DUSP8: variants seen among roughly 807,000 people sequenced by gnomAD.
DUSP8 encodes the protein dual specificity protein phosphatase 8.
Under a neutral mutation model 38.7 loss-of-function variants are expected in DUSP8, and 15 were observed. That is an observed-to-expected ratio of 0.39 (90% CI 0.26 to 0.60). DUSP8 has a LOEUF of 0.60. Ranked by LOEUF, DUSP8 falls within the 20% of genes least tolerant of loss-of-function variation. The probability of loss-of-function intolerance (pLI) is 0.56; values close to 1 mark genes in which losing one functional copy is unlikely to be tolerated. For missense variants in DUSP8, 768 were observed against 915.0 expected (o/e 0.84, Z 2.07); for synonymous variants, 458 against 433.9 (o/e 1.06, Z -0.69).
chr11:1,560,719 T>C (rs1848705667), intron 3 of DUSP8, among the ~76,000 whole-genome samples: 1 of 152,206 alleles, frequency 6.6e-6, no homozygotes, highest in Non-Finnish European at 1.5e-5. Flanking sequence ...GGGGTAGCCC[T>C]GGATGTTCCC....
At chr11:1,571,185 C>G (rs1848885805) in intron 1 of DUSP8, among the ~76,000 whole-genome samples, 1 of 152,196 alleles carries the variant, frequency 6.6e-6, no homozygotes, top group South Asian at 2.1e-4. Flanking sequence ...GGTATCCCCA[C>G]CTGGTCTGCT....
rs1337364239 is a variant in DUSP8, at chr11:1,558,600, C to T, written c.537+289G>A. ...GTCACCATTTTTAAAACATGGGATT[C>T]TTTCAGAGCTGGCCAGAGGCCCAGT... On this transcript the variant is annotated intron_variant, in intron 4 of 6. Coordinates refer to ENST00000397374, the MANE Select transcript of DUSP8 (RefSeq NM_004420.3). This position sits in a 1 kb window ranked among gnomAD's most constrained non-coding sequence, Gnocchi z 6.3. 1.3e-5 allele frequency among the ~76,000 whole-genome samples: 2 copies of T among 152,152 alleles called. No homozygotes were observed. Among genetic ancestry groups the T allele is most frequent in the African/African-American group, 2.4e-5 (1 of 41,450 alleles).
In DUSP8 at chr11:1,564,001, G is replaced by A. The variant is rs1329554746; in HGVS notation, c.232-12C>T. On this transcript the variant is annotated splice_polypyrimidine_tract_variant and intron_variant, in intron 2 of 6. Coordinates refer to ENST00000397374, the MANE Select transcript of DUSP8 (RefSeq NM_004420.3). ...TCCGTAGCCTCCACCTGGGGGCCAT[G>A]GGGCAGAGATCAGCATGCCGCCTCC... 4 of 1,448,792 alleles carry A rather than the reference G, an allele frequency of 2.8e-6. No homozygotes were observed. The African/African-American group carries it at 5.7e-5, about 21-fold the overall frequency. 89.7% of individuals were successfully genotyped at this position (1,448,792 alleles called of 1,614,324 possible). A position where few individuals can be genotyped will look rare whatever the true frequency, so the allele number is the denominator to read the frequency against.
In DUSP8 at chr11:1,565,655, G is replaced by A. The variant is rs776436007; in HGVS notation, c.172C>T (p.Arg58Trp). 11 of 1,611,164 alleles carry A rather than the reference G, an allele frequency of 6.8e-6. No individual in the cohort carries two copies. Among genetic ancestry groups the A allele is most frequent in the Middle Eastern group, 1.7e-4 (1 of 5,874 alleles). The change falls in exon 2 of 7, where the codon CGG (arginine) becomes TGG (tryptophan). Residue 58 changes from arginine (R) to tryptophan (W), a missense_variant. Coordinates refer to ENST00000397374, the MANE Select transcript of DUSP8 (RefSeq NM_004420.3). ...ATGGTCACCTTGCCCTGCTGCAGCC[G>A]CCGCTTCACCAGCTTGGAGCAGCAG... Reference protein sequence around the residue: ...NICCSKLVKRRLQQGKVTIAE... With the variant: ...NICCSKLVKRWLQQGKVTIAE...
chr11:1,556,416 A>G lies in DUSP8; in HGVS notation c.*102T>C, dbSNP rs1258735363. 1.6e-6 allele frequency: 2 copies of G among 1,221,512 alleles called. No homozygotes were observed. Among genetic ancestry groups the G allele is most frequent in the Non-Finnish European group, 2.0e-6 (2 of 979,320 alleles). 75.7% of individuals were successfully genotyped at this position (1,221,512 alleles called of 1,614,324 possible). A position where few individuals can be genotyped will look rare whatever the true frequency, so the allele number is the denominator to read the frequency against. On this transcript the variant is annotated 3_prime_UTR_variant, in exon 7 of 7. Coordinates refer to ENST00000397374, the MANE Select transcript of DUSP8 (RefSeq NM_004420.3). The surrounding 1 kb of genome is among the most constrained non-coding windows in gnomAD (Gnocchi z 5.2). Reference sequence around the variant, plus strand: ...AAAAAATCGAAATATTTACTTCTCGATAAAAATCCCAGTAAAACCATTTAC... The same window carrying G: ...AAAAAATCGAAATATTTACTTCTCGGTAAAAATCCCAGTAAAACCATTTAC...
At chr11:1,560,495 C>T (rs991310626) in intron 3 of DUSP8, among the ~76,000 whole-genome samples, 17 of 152,282 alleles carry the variant, frequency 1.1e-4, no homozygotes, top group African/African-American at 3.4e-4. Flanking sequence ...CTAAAAAGGG[C>T]GTGACGCTGG....
rs905084062 is a variant in DUSP8 at position 1,557,113 on chromosome 11, G to A, written c.1283C>T (p.Pro428Leu). Residue 428 changes from proline to leucine, a missense_variant, in exon 7 of 7, where the codon CCG (proline) becomes CTG (leucine). Coordinates refer to ENST00000397374, the MANE Select transcript of DUSP8 (RefSeq NM_004420.3). This position sits in a 1 kb window ranked among gnomAD's most constrained non-coding sequence, Gnocchi z 9.9. ...EAPKLCKLDS[P>L]SGAALGLSSP... ...GGACAGGCCCAGCGCGGCCCCCGAC[G>A]GGCTGTCCAGCTTGCAGAGCTTCGG... is the stretch of plus-strand genomic sequence containing the variant. 3.3e-5 allele frequency: 45 copies of A among 1,383,810 alleles called. No homozygotes were observed. Among genetic ancestry groups the A allele is most frequent in the Non-Finnish European group, 4.0e-5 (43 of 1,078,124 alleles). The allele number at this position is 1,383,810 out of a possible 1,614,324, so 85.7% of individuals were successfully genotyped here.
chr11:1,572,206 G>C lies in DUSP8; in HGVS notation c.-414C>G, dbSNP rs1207895261. 6.9e-6 allele frequency among the ~76,000 whole-genome samples: 1 copy of C among 145,332 alleles called. No individual in the cohort carries two copies. ...CGGGCTCGGGCTCGGGCTCGGGCTC[G>C]GGCGTCCGGCGTCCGGCGGGGCGTC... On this transcript the variant is annotated 5_prime_UTR_variant, in exon 1 of 7. Transcript: ENST00000397374. This position sits in a 1 kb window ranked among gnomAD's most constrained non-coding sequence, Gnocchi z 4.7.
rs1848643458 is a variant in DUSP8, at chr11:1,557,142, C to T, written c.1254G>A (p.Glu418=). 2 of 1,425,812 alleles carry T rather than the reference C, an allele frequency of 1.4e-6. No individual in the cohort carries two copies. The highest frequency in any genetic ancestry group is 3.0e-5 in the Admixed American group (1 of 32,930). The allele number at this position is 1,425,812 out of a possible 1,614,324, so 88.3% of individuals were successfully genotyped here. A position where few individuals can be genotyped will look rare whatever the true frequency, so the allele number is the denominator to read the frequency against. The change falls in exon 7 of 7, where the codon GAG becomes GAA. Residue 418 remains glutamate (E), a synonymous_variant. Coordinates refer to ENST00000397374, the MANE Select transcript of DUSP8 (RefSeq NM_004420.3). This position sits in a 1 kb window ranked among gnomAD's most constrained non-coding sequence, Gnocchi z 9.9. ...PDGPGPPDPG[E]APKLCKLDSP... ...TGTCCAGCTTGCAGAGCTTCGGGGC[C>T]TCGCCGGGGTCGGGGGGCCCGGGGC...
rs1848663284 is a variant in DUSP8, at chr11:1,558,080, A to G, written c.697+32T>C. The G allele has an allele frequency of 6.2e-7, 1 of 1,611,512 alleles. No individual in the cohort carries two copies. Among genetic ancestry groups the G allele is most frequent in the Admixed American group, 1.7e-5 (1 of 59,978 alleles). On this transcript the variant is annotated intron_variant, in intron 5 of 6. Coordinates refer to ENST00000397374, the MANE Select transcript of DUSP8 (RefSeq NM_004420.3). The surrounding 1 kb of genome is among the most constrained non-coding windows in gnomAD (Gnocchi z 6.3). ...ACACAGCTCTAGCCTTCCTCTAGCC[A>G]GGTCCCTGCCCTCCGCCCACCGCAG...
chr11:1,565,944 CA>C lies in DUSP8; in HGVS notation c.-108-11del. On this transcript the variant is annotated splice_polypyrimidine_tract_variant and intron_variant, in intron 1 of 6. Coordinates refer to ENST00000397374, the MANE Select transcript of DUSP8 (RefSeq NM_004420.3). Reference sequence around the variant, plus strand: ...GCACATGGTGCTGGACCTGCAGGGACAGGGGGATGGTCAGCAGTGCTGCGGG... The same window carrying C: ...GCACATGGTGCTGGACCTGCAGGGACGGGGGATGGTCAGCAGTGCTGCGGG... The C allele has an allele frequency of 7.0e-6, 6 of 859,804 alleles. No homozygotes were observed. The highest frequency in any genetic ancestry group is 2.6e-5 in the East Asian group (1 of 38,490). The allele number at this position is 859,804 out of a possible 1,614,324, so 53.3% of individuals were successfully genotyped here.
chr11:1,559,139 C>T, intron 3 of DUSP8, 84 bp from the exon 4 acceptor site: 1 of 1,359,956 alleles, frequency 7.4e-7, no homozygotes, highest in Non-Finnish European at 1.0e-6. Flanking sequence ...CCTAGGGCAC[C>T]CCATCTACTG....
Position 1,554,763 on chromosome 11 carries a change from G to A in DUSP8, c.*1755C>T, listed in dbSNP as rs1006690794. 4 of 495,576 alleles carry A rather than the reference G, an allele frequency of 8.1e-6. No individual in the cohort carries two copies. The highest frequency in any genetic ancestry group is 1.0e-5 in the Non-Finnish European group (4 of 381,406). 30.7% of individuals were successfully genotyped at this position (495,576 alleles called of 1,614,324 possible). On this transcript the variant is annotated 3_prime_UTR_variant, in exon 7 of 7. Transcript: ENST00000397374. ...CCCAGGGTCTCCTCAGAAACCCAAC[G>A]CAACAGACATATGGGAGGCAAATTT...
intron 1 of DUSP8, among the ~76,000 whole-genome samples, chr11:1,567,674 C>G (rs1298322526): frequency 1.3e-5 from 2 of 152,230 alleles, no homozygotes; most frequent in African/African-American, 4.8e-5. Flanking sequence ...GATGGGCAGC[C>G]TCAGCTGACC....
chr11:1,563,731 A>G, intron 3 of DUSP8, 120 bp downstream of exon 3: 1 of 1,093,556 alleles, frequency 9.1e-7, no homozygotes, highest in Non-Finnish European at 1.3e-6. Context: ...GGCCTCAAGA[A>G]CCACAGATGT....
In DUSP8 at chr11:1,564,457, C is replaced by T. The variant is rs1848770554; in HGVS notation, c.232-468G>A. Among the ~76,000 whole-genome samples, 3 of 152,160 alleles carry T rather than the reference C, an allele frequency of 2.0e-5. No homozygotes were observed. The South Asian group carries it at 6.2e-4, about 32-fold the overall frequency. On this transcript the variant is annotated intron_variant, in intron 2 of 6. Transcript: ENST00000397374. The stretch of plus-strand genomic sequence containing the variant: ...GTGTAGCCAGCAATTCTGCTCCCCA[C>T]CCTATCCCCTCCCCAACCCCCAGCG...
Position 1,556,937 on chromosome 11 carries a change from C to G in DUSP8, c.1459G>C (p.Gly487Arg). 9.3e-7 allele frequency: 1 copy of G among 1,076,498 alleles called. No homozygotes were observed. The highest frequency in any genetic ancestry group is 1.1e-6 in the Non-Finnish European group (1 of 890,034). 66.7% of individuals were successfully genotyped at this position (1,076,498 alleles called of 1,614,324 possible). ...CCGGGCGCCGACAGGGCCGAGAGGC[C>G]GTGCCGCGGAGTCTGCCGGGCCGCA... ...GDAARQTPRHGLSALSAPGLP... is the reference protein window; with the variant it reads ...GDAARQTPRHRLSALSAPGLP... The change falls in exon 7 of 7, where the codon GGC (glycine) becomes CGC (arginine). Residue 487 changes from glycine to arginine, a missense_variant. Gly to Arg is a moderately radical substitution (Grantham distance 125). Transcript: ENST00000397374. This position sits in a 1 kb window ranked among gnomAD's most constrained non-coding sequence, Gnocchi z 5.2.
intron 2 of DUSP8, among the ~76,000 whole-genome samples, chr11:1,565,134 G>A (rs184820420): frequency 1.4e-4 from 22 of 152,320 alleles, no homozygotes; most frequent in East Asian, 7.7e-4. Flanking sequence ...GACTGCTCAC[G>A]TGTGCCTTTT....
At position 1,556,178 on chromosome 11, in the gene DUSP8, G is replaced by GAAAGCTCGGCAGCCTTTGC. The variant is rs1848619552; in HGVS notation, c.*321_*339dup. 8.8e-6 allele frequency: 2 copies of GAAAGCTCGGCAGCCTTTGC among 228,176 alleles called. No individual in the cohort carries two copies. Among genetic ancestry groups the GAAAGCTCGGCAGCCTTTGC allele is most frequent in the Non-Finnish European group, 1.7e-5 (2 of 118,180 alleles). 14.1% of individuals were successfully genotyped at this position (228,176 alleles called of 1,614,324 possible). ...CCTTTTTGTTATGTAAAAAGTGCAC[G>GAAAGCTCGGCAGCCTTTGC]AAAGCTCGGCAGCCTTTGCAAAGGT... On this transcript the variant is annotated 3_prime_UTR_variant, in exon 7 of 7. Coordinates refer to ENST00000397374, the MANE Select transcript of DUSP8 (RefSeq NM_004420.3). This position sits in a 1 kb window ranked among gnomAD's most constrained non-coding sequence, Gnocchi z 5.2.
Sources: gnomAD v4.1 joint callset for allele counts (sites outside exome capture counted in the v4.1 genomes callset) on GRCh38, gnomAD v4.1.1 for gene constraint, Gnocchi (gnomAD v3.1) non-coding constraint, MANE v1.5 for transcripts, NCBI Gene and HGNC (gene_info 2026-07-23, HGNC 2026-07-21) for gene names.